STAG1: variants seen among roughly 807,000 people sequenced by gnomAD.
STAG1 encodes STAG1 cohesin complex component.
Under a neutral mutation model 170.9 loss-of-function variants are expected in STAG1, and 26 were observed. The ratio of observed to expected loss-of-function variants is 0.15; its 90% CI spans 0.11 to 0.21. The LOEUF is 0.21. Ranked by LOEUF, STAG1 falls within the 10% of genes least tolerant of loss-of-function variation. The pLI is 1.00. For missense variants in STAG1, 964 were observed against 1,509.5 expected (o/e 0.64, Z 5.99); for synonymous variants, 514 against 497.7 (o/e 1.03, Z -0.44).
At chr3:136,736,719 C>G in intron 1 of STAG1, 1 of 1,603,394 alleles carries the variant, frequency 6.2e-7, no homozygotes, top group South Asian at 1.1e-5. Context: ...GCTTCTCTCT[C>G]TTTCCTTTTA....
intron 1 of STAG1, among the ~76,000 whole-genome samples, chr3:136,693,126 T>C (rs1196403963): frequency 6.6e-6 from 1 of 152,220 alleles, no homozygotes; most frequent in Non-Finnish European, 1.5e-5. Context: ...TTTTAAGTCT[T>C]GTCCCAATAA....
chr3:136,552,510 T>C (rs762294710), intron 5 of STAG1, among the ~76,000 whole-genome samples: 1 of 152,142 alleles, frequency 6.6e-6, no homozygotes, highest in Non-Finnish European at 1.5e-5. Context: ...GGACAATAAA[T>C]AAAAGCAGAA....
chr3:136,391,400 CAG>C (rs1483716148), intron 22 of STAG1, among the ~76,000 whole-genome samples: 1 of 130,332 alleles, frequency 7.7e-6, no homozygotes, highest in Non-Finnish European at 1.6e-5. Context: ...TTTTTTGAGA[CAG>C]AGTCTCACTC....
intron 5 of STAG1, among the ~76,000 whole-genome samples, chr3:136,547,014 A>C (rs1015301945): frequency 2.0e-5 from 3 of 152,196 alleles, no homozygotes; most frequent in Non-Finnish European, 4.4e-5. Flanking sequence ...TCTTTTGCCT[A>C]GAATACCTAT....
At chr3:136,487,316 T>A (rs2090037680) in intron 9 of STAG1, among the ~76,000 whole-genome samples, 1 of 152,230 alleles carries the variant, frequency 6.6e-6, no homozygotes, top group Admixed American at 6.5e-5. Context: ...ATCTCACTCC[T>A]TTTTACGGCT....
rs142509971 is a variant in STAG1 at position 136,476,811 on chromosome 3, AT to A, written c.1026+477del. 1.9e-3 allele frequency among the ~76,000 whole-genome samples: 287 copies of A among 152,238 alleles called. 7 individuals are homozygous for A. The East Asian group carries it at 0.046, about 24-fold the overall frequency. On this transcript the variant is annotated intron_variant, in intron 10 of 33. Coordinates refer to ENST00000383202, the MANE Select transcript of STAG1 (RefSeq NM_005862.3). ...TTATTCTAAGGATTACTTATTCAGGATTACTTATATGAGGGATTCCTTTTAA... is the reference window on the plus strand; with the variant it reads ...TTATTCTAAGGATTACTTATTCAGGATACTTATATGAGGGATTCCTTTTAA...
intron 4 of STAG1, among the ~76,000 whole-genome samples, chr3:136,601,215 A>T (rs1404201873): frequency 6.6e-6 from 1 of 152,206 alleles, no homozygotes; most frequent in Non-Finnish European, 1.5e-5. Flanking sequence ...AATAAAATCT[A>T]GTTAAATAAA....
chr3:136,466,150 G>A (rs376359230), intron 12 of STAG1, among the ~76,000 whole-genome samples: 6 of 152,190 alleles, frequency 3.9e-5, no homozygotes, highest in African/African-American at 1.2e-4. Context: ...AAAGCTGGAC[G>A]GAGAATGACT....
intron 6 of STAG1, among the ~76,000 whole-genome samples, chr3:136,523,438 T>A (rs1386301318): frequency 6.6e-6 from 1 of 152,244 alleles, no homozygotes; most frequent in African/African-American, 2.4e-5. Flanking sequence ...GTAAATTTGT[T>A]TGAATTCTTT....
chr3:136,416,665 G>A (rs770368239), intron 21 of STAG1, among the ~76,000 whole-genome samples: 23 of 152,186 alleles, frequency 1.5e-4, no homozygotes, highest in Non-Finnish European at 3.1e-4. Context: ...AGGATGGGAA[G>A]TTGATGTCAG....
intron 4 of STAG1, among the ~76,000 whole-genome samples, chr3:136,596,403 G>A (rs1384230764): frequency 6.6e-6 from 1 of 152,038 alleles, no homozygotes; most frequent in Non-Finnish European, 1.5e-5. Context: ...TTTAATTAAG[G>A]TACGTACATT....
intron 22 of STAG1, among the ~76,000 whole-genome samples, chr3:136,383,056 G>A (rs1938064033): frequency 6.6e-6 from 1 of 152,098 alleles, no homozygotes; most frequent in African/African-American, 2.4e-5. Flanking sequence ...TTTAAGTAGT[G>A]GGAATTATGA....
chr3:136,599,457 G>C (rs185162673), intron 4 of STAG1, among the ~76,000 whole-genome samples: 1 of 152,252 alleles, frequency 6.6e-6, no homozygotes, highest in African/African-American at 2.4e-5. Flanking sequence ...TGTGAGCCCA[G>C]GAGACGGAGC....
intron 4 of STAG1, among the ~76,000 whole-genome samples, chr3:136,603,156 T>C (rs1005053353): frequency 2.6e-5 from 4 of 152,014 alleles, no homozygotes; most frequent in Non-Finnish European, 2.9e-5. Flanking sequence ...AAAAGTTGTC[T>C]GTTTTAGTTC....
chr3:136,491,729 A>G (rs1372182912), intron 9 of STAG1, among the ~76,000 whole-genome samples: 2 of 152,336 alleles, frequency 1.3e-5, no homozygotes, highest in East Asian at 3.9e-4. Context: ...GCAGTGGCTC[A>G]CACTTGTAAT....
chr3:136,339,818 GGT>G (rs1474406203), intron 32 of STAG1, among the ~76,000 whole-genome samples: 4 of 152,042 alleles, frequency 2.6e-5, no homozygotes, highest in African/African-American at 9.7e-5. Flanking sequence ...TATCACCTAT[GGT>G]TAAGTCCATA....
chr3:136,470,345 G>C lies in STAG1; in HGVS notation c.1205+2068C>G, dbSNP rs111265064. Among the ~76,000 whole-genome samples the C allele has an allele frequency of 1.8e-3, 279 of 152,224 alleles. 1 individual carries two copies. The highest frequency in any genetic ancestry group is 3.4e-3 in the Middle Eastern group (1 of 294). On this transcript the variant is annotated intron_variant, in intron 12 of 33. Coordinates refer to ENST00000383202, the MANE Select transcript of STAG1 (RefSeq NM_005862.3). Reference sequence around the variant, plus strand: ...GCAAAGGATATGAACAGACACTTCTGAAAAGAAGACATTTATGCAGCCAAC... The same window carrying C: ...GCAAAGGATATGAACAGACACTTCTCAAAAGAAGACATTTATGCAGCCAAC...
intron 1 of STAG1, among the ~76,000 whole-genome samples, chr3:136,711,092 T>C (rs1409979492): frequency 6.6e-6 from 1 of 151,508 alleles, no homozygotes; most frequent in African/African-American, 2.4e-5. Flanking sequence ...TACTATGGCA[T>C]AAGAAAATCA....
chr3:136,497,715 C>T (rs897827839), intron 9 of STAG1, among the ~76,000 whole-genome samples: 6 of 151,446 alleles, frequency 4.0e-5, no homozygotes, highest in Non-Finnish European at 7.4e-5. Flanking sequence ...ATTAGCTGGG[C>T]GTGGTGGCAG....
Sources: gnomAD v4.1 joint callset for allele counts (sites outside exome capture counted in the v4.1 genomes callset) on GRCh38, gnomAD v4.1.1 for gene constraint, MANE v1.5 for transcripts, NCBI Gene and HGNC (gene_info 2026-07-23, HGNC 2026-07-21) for gene names.